The following NAV2 variants were observed in gnomAD, a reference collection of about 807,000 sequenced individuals.
NAV2 encodes the protein neuron navigator 2, also known as helicase, APC down-regulated 1.
Under a neutral mutation model 223.2 loss-of-function variants are expected in NAV2, and 54 were observed. The ratio of observed to expected loss-of-function variants is 0.24; its 90% CI spans 0.19 to 0.30. The LOEUF is 0.30. NAV2 is among the 10% of genes least tolerant of loss of function. The probability of loss-of-function intolerance (pLI) is 1.00; values close to 1 mark genes in which losing one functional copy is unlikely to be tolerated. For synonymous variants in NAV2, 1,279 were observed against 1,239.3 expected (o/e 1.03, Z -0.67); for missense variants, 2,806 against 3,147.5 (o/e 0.89, Z 2.60).
chr11:20,095,687 C>T lies in NAV2; in HGVS notation c.5932C>T (p.Leu1978Phe), dbSNP rs916872201. Reference protein sequence around the residue: ...MKWKEDSRPHLFLIGCIGVSG... With the variant: ...MKWKEDSRPHFFLIGCIGVSG... Reference sequence around the variant, plus strand: ...TTACCCTTAGGATTCCAGACCACATCTCTTTCTTATTGGCTGCATTGGAGT... The same window carrying T: ...TTACCCTTAGGATTCCAGACCACATTTCTTTCTTATTGGCTGCATTGGAGT... The change falls in exon 30 of 38, where the codon CTC becomes TTC. Residue 1978 changes from leucine (L) to phenylalanine (F), a missense_variant. Around this residue, in one of 4 missense-constraint regions of NAV2, gnomAD observed 824 missense variants for 1,069.4 expected, o/e 0.77. Coordinates refer to ENST00000349880, the MANE Select transcript of NAV2 (RefSeq NM_145117.5). 3.1e-6 allele frequency: 5 copies of T among 1,613,396 alleles called. No homozygotes were observed. Among genetic ancestry groups the T allele is most frequent in the Non-Finnish European group, 3.4e-6 (4 of 1,179,372 alleles).
intron 1 of NAV2, among the ~76,000 whole-genome samples, chr11:19,464,449 A>G (rs1254014978): frequency 1.3e-5 from 2 of 152,204 alleles, no homozygotes; most frequent in Non-Finnish European, 2.9e-5. Context: ...AATGAAGCAA[A>G]CAGGCAATAT....
chr11:19,843,983 T>G (rs1236336844), intron 3 of NAV2, among the ~76,000 whole-genome samples: 1 of 152,200 alleles, frequency 6.6e-6, no homozygotes, highest in South Asian at 2.1e-4. Context: ...TGTCAGTGTA[T>G]GTATGGAAGG....
intron 1 of NAV2, among the ~76,000 whole-genome samples, chr11:19,772,582 A>G (rs2055801833): frequency 6.6e-6 from 1 of 152,206 alleles, no homozygotes; most frequent in Admixed American, 6.5e-5. Flanking sequence ...ATTCAAGCCC[A>G]GCTATTTGGA....
chr11:19,986,513 G>A (rs543770727), intron 11 of NAV2, among the ~76,000 whole-genome samples: 2 of 152,008 alleles, frequency 1.3e-5, no homozygotes, highest in South Asian at 2.1e-4. Context: ...CCAGCTACTC[G>A]GGAGAGGGAG....
intron 11 of NAV2, among the ~76,000 whole-genome samples, chr11:19,987,436 A>G (rs1268023755): frequency 6.6e-6 from 1 of 152,246 alleles, no homozygotes; most frequent in Admixed American, 6.5e-5. Flanking sequence ...CTGAGTGATT[A>G]GACCTGATTA....
At chr11:19,454,269 T>C (rs1341330193) in intron 1 of NAV2, among the ~76,000 whole-genome samples, 3 of 152,162 alleles carry the variant, frequency 2.0e-5, no homozygotes, top group African/African-American at 4.8e-5. Context: ...CTGTGGTGTC[T>C]GCAGAGGGAA....
Position 19,502,485 on chromosome 11 carries a change from T to C in NAV2, c.75+151458T>C, listed in dbSNP as rs371796164. ...TGATGACAGCTATAGGTTTTCATAG[T>C]GCAATTAAGATGAAGCAGAAAAATG... On this transcript the variant is annotated intron_variant, in intron 1 of 37. Transcript: ENST00000360655. Among the ~76,000 whole-genome samples the C allele has an allele frequency of 8.5e-5, 13 of 152,290 alleles. No homozygotes were observed. The East Asian group carries it at 1.7e-3, about 20-fold the overall frequency.
At chr11:20,071,036 A>G (rs1591977849) in intron 22 of NAV2, among the ~76,000 whole-genome samples, 2 of 152,060 alleles carry the variant, frequency 1.3e-5, no homozygotes, top group African/African-American at 2.4e-5. Flanking sequence ...TACATGTGCC[A>G]TGGTGGTTTG....
intron 1 of NAV2, among the ~76,000 whole-genome samples, chr11:19,705,909 C>T (rs1315531054): frequency 6.6e-6 from 1 of 152,150 alleles, no homozygotes; most frequent in Non-Finnish European, 1.5e-5. Flanking sequence ...ATTTTTCTCA[C>T]TTATTATAGA....
At chr11:20,106,626 GTTGTTTTTGTTT>G (rs537124623) in intron 35 of NAV2, among the ~76,000 whole-genome samples, 85 of 149,608 alleles carry the variant, frequency 5.7e-4, no homozygotes, top group Middle Eastern at 7.0e-3. Context: ...CTACTCAGTT[GTTGTTTTTGTTT>G]TTGTTTTTGT....
At chr11:19,871,589 C>T (rs150543190) in intron 4 of NAV2, among the ~76,000 whole-genome samples, 1 of 152,288 alleles carries the variant, frequency 6.6e-6, no homozygotes, top group African/African-American at 2.4e-5. Context: ...TTCTGTGAGA[C>T]TTGGCCAGAT....
At chr11:19,479,776 C>T (rs1175614735) in intron 1 of NAV2, among the ~76,000 whole-genome samples, 1 of 152,108 alleles carries the variant, frequency 6.6e-6, no homozygotes, top group Non-Finnish European at 1.5e-5. Context: ...GAGATAGTGC[C>T]CAATCTAAGC....
chr11:19,869,770 C>T (rs2062355690), intron 4 of NAV2, among the ~76,000 whole-genome samples: 1 of 152,194 alleles, frequency 6.6e-6, no homozygotes, highest in African/African-American at 2.4e-5. Flanking sequence ...AGCACCTTTC[C>T]CTAGTGAGAC....
chr11:19,790,001 T>A (rs2057406425), intron 1 of NAV2, among the ~76,000 whole-genome samples: 1 of 152,168 alleles, frequency 6.6e-6, no homozygotes, highest in African/African-American at 2.4e-5. Flanking sequence ...TTTTATGACC[T>A]CAAAGCAACC....
At chr11:20,078,221 A>C (rs7121301) in intron 24 of NAV2, 117 bp downstream of exon 24, 660,803 of 744,406 alleles carry the variant, frequency 0.89, 293,984 homozygotes, top group East Asian at 0.97. Context: ...ATTCAGCTCC[A>C]TGTCAGGCAA....
chr11:20,092,476 A>G lies in NAV2; in HGVS notation c.5815+108A>G. On this transcript the variant is annotated intron_variant, in intron 28 of 37. Coordinates refer to ENST00000349880, the MANE Select transcript of NAV2 (RefSeq NM_145117.5). ...GATCAACAGATCAAATGGAGAGGCA[A>G]CAGGCGTGTGTGCACTTGGGGTGTG... is the stretch of plus-strand genomic sequence containing the variant. 5 of 1,197,746 alleles carry G rather than the reference A, an allele frequency of 4.2e-6. No homozygotes were observed. In the South Asian group the frequency reaches 7.3e-5, roughly 17 times the overall value. 74.2% of individuals were successfully genotyped at this position (1,197,746 alleles called of 1,614,324 possible). A position where few individuals can be genotyped will look rare whatever the true frequency, so the allele number is the denominator to read the frequency against.
chr11:19,556,843 T>C (rs1446321301), intron 1 of NAV2, among the ~76,000 whole-genome samples: 1 of 152,222 alleles, frequency 6.6e-6, no homozygotes, highest in African/African-American at 2.4e-5. Context: ...AAATTCATAA[T>C]AAATGACCAT....
chr11:19,641,648 C>T (rs752975236), intron 1 of NAV2, among the ~76,000 whole-genome samples: 4 of 151,860 alleles, frequency 2.6e-5, no homozygotes, highest in Non-Finnish European at 5.9e-5. Flanking sequence ...CGCTCACCTT[C>T]CGGCGTTTGC....
At chr11:19,934,605 G>A (rs2045677586) in intron 7 of NAV2, among the ~76,000 whole-genome samples, 1 of 150,682 alleles carries the variant, frequency 6.6e-6, no homozygotes, top group East Asian at 2.0e-4. Flanking sequence ...AAATATGAGG[G>A]TGGGGGCGGT....
Sources: allele counts gnomAD v4.1 joint callset (sites outside exome capture counted in the v4.1 genomes callset), GRCh38; gene constraint gnomAD v4.1.1; regional missense constraint gnomAD v4.1.1; transcripts MANE v1.5; gene names NCBI Gene and HGNC (gene_info 2026-07-23, HGNC 2026-07-21).